The following RALYL variants were observed in gnomAD, a reference collection of about 807,000 sequenced individuals.
The protein encoded by RALYL is RNA-binding Raly-like protein.
RALYL carries 29 observed loss-of-function variants against 35.1 expected under a neutral mutation model. That is an observed-to-expected ratio of 0.83 (90% CI 0.61 to 1.13). The LOEUF (loss-of-function observed/expected upper bound fraction) is 1.13, where lower values mean the gene tolerates loss of function less well. Among genes scored for constraint, RALYL ranks in the 50% most tolerant of loss-of-function variants. RALYL has a pLI of 0.00. For synonymous variants in RALYL, 120 were observed against 127.6 expected (o/e 0.94, Z 0.40); for missense variants, 359 against 360.4 (o/e 1.00, Z 0.03).
At chr8:84,500,085 C>T (rs2056498923) in intron 1 of RALYL, among the ~76,000 whole-genome samples, 1 of 152,110 alleles carries the variant, frequency 6.6e-6, no homozygotes. Context: ...TTTTCTACCA[C>T]ATTTAGGCCT....
chr8:84,856,441 C>CA (rs1480027001), intron 5 of RALYL, among the ~76,000 whole-genome samples: 2 of 151,938 alleles, frequency 1.3e-5, no homozygotes, highest in Admixed American at 6.6e-5. Context: ...CAAAATATTG[C>CA]AAAAAAGATC....
chr8:84,519,021 T>G (rs2058266809), intron 1 of RALYL, among the ~76,000 whole-genome samples: 1 of 152,200 alleles, frequency 6.6e-6, no homozygotes, highest in Non-Finnish European at 1.5e-5. Flanking sequence ...CAGAGTTTGA[T>G]TCCAGTGAAT....
intron 6 of RALYL, chr8:84,864,794 C>T (rs928245764): frequency 1.8e-5 from 11 of 618,428 alleles, no homozygotes; most frequent in Admixed American, 7.6e-5. Flanking sequence ...CAAGCCAGCC[C>T]TGCAGCAGAG....
intron 1 of RALYL, among the ~76,000 whole-genome samples, chr8:84,523,261 A>G (rs1168963802): frequency 6.6e-6 from 1 of 151,320 alleles, no homozygotes; most frequent in Non-Finnish European, 1.5e-5. Context: ...GCAAGAGGGC[A>G]TGTGCAGCGA....
intron 1 of RALYL, among the ~76,000 whole-genome samples, chr8:84,430,725 A>G (rs2047055887): frequency 6.6e-6 from 1 of 152,166 alleles, no homozygotes; most frequent in South Asian, 2.1e-4. Context: ...TTTTTAAAAC[A>G]TGCCTTACTA....
chr8:84,247,227 T>G (rs1829281543), intron 1 of RALYL, among the ~76,000 whole-genome samples: 1 of 152,172 alleles, frequency 6.6e-6, no homozygotes, highest in Non-Finnish European at 1.5e-5. Context: ...TTATTCCTAT[T>G]AGAGGAGCAA....
At chr8:84,656,723 A>C (rs1830024237) in intron 2 of RALYL, among the ~76,000 whole-genome samples, 1 of 152,142 alleles carries the variant, frequency 6.6e-6, no homozygotes, top group African/African-American at 2.4e-5. Context: ...GTAATTGTTA[A>C]AGTTAAAGCA....
chr8:84,497,858 T>C (rs2056232006), intron 1 of RALYL, among the ~76,000 whole-genome samples: 1 of 151,678 alleles, frequency 6.6e-6, no homozygotes, highest in African/African-American at 2.4e-5. Flanking sequence ...AGACAGGATG[T>C]TCTCGATCTC....
At chr8:84,750,871 TAA>T (rs1809818727) in intron 2 of RALYL, among the ~76,000 whole-genome samples, 2 of 152,048 alleles carry the variant, frequency 1.3e-5, no homozygotes, top group African/African-American at 4.8e-5. Flanking sequence ...CTGTAAGAAA[TAA>T]ATTATTTTTC....
chr8:84,492,524 A>C (rs995318938), intron 1 of RALYL, among the ~76,000 whole-genome samples: 4 of 151,982 alleles, frequency 2.6e-5, no homozygotes, highest in African/African-American at 9.7e-5. Flanking sequence ...TTTTTAGTGG[A>C]TCTCCTGCTG....
chr8:84,860,515 T>A (rs1478877656), intron 5 of RALYL, among the ~76,000 whole-genome samples: 1 of 152,206 alleles, frequency 6.6e-6, no homozygotes. Context: ...CTAATGTAGA[T>A]CTTGTTTTGT....
chr8:84,425,890 G>A (rs940923689), intron 1 of RALYL, among the ~76,000 whole-genome samples: 4 of 150,626 alleles, frequency 2.7e-5, no homozygotes, highest in African/African-American at 9.8e-5. Flanking sequence ...GGGTTTGGTT[G>A]CTACCAGTAC....
intron 1 of RALYL, among the ~76,000 whole-genome samples, chr8:84,450,633 C>CT (rs964220760): frequency 1.3e-5 from 2 of 151,752 alleles, no homozygotes; most frequent in Non-Finnish European, 2.9e-5. Context: ...TGTTAAATTG[C>CT]TTTTTTGAAG....
chr8:84,376,670 G>A (rs1371483443), intron 1 of RALYL, among the ~76,000 whole-genome samples: 1 of 151,794 alleles, frequency 6.6e-6, no homozygotes, highest in Non-Finnish European at 1.5e-5. Flanking sequence ...TCAAATCAGA[G>A]GAGAAATAGG....
At chr8:84,891,288 A>C (rs1843799594) in intron 8 of RALYL, among the ~76,000 whole-genome samples, 1 of 152,232 alleles carries the variant, frequency 6.6e-6, no homozygotes, top group Non-Finnish European at 1.5e-5. Context: ...TTTCAGTCCC[A>C]GATCTGTCAT....
chr8:84,439,339 T>C (rs2048083388), intron 1 of RALYL, among the ~76,000 whole-genome samples: 1 of 152,164 alleles, frequency 6.6e-6, no homozygotes, highest in Non-Finnish European at 1.5e-5. Context: ...GCTCCCTTTT[T>C]TTCTGATGTG....
chr8:84,223,209 C>T lies in RALYL; in HGVS notation c.-24+38785C>T, dbSNP rs867308973. 1.3e-3 allele frequency among the ~76,000 whole-genome samples: 114 copies of T among 87,854 alleles called. 4 individuals are homozygous for T. The highest frequency in any genetic ancestry group is 3.4e-3 in the African/African-American group (59 of 17,584). The allele number at this position is 87,854 out of a possible 152,430, so 57.6% of individuals were successfully genotyped here. A position where few individuals can be genotyped will look rare whatever the true frequency, so the allele number is the denominator to read the frequency against. Reference sequence around the variant, plus strand: ...CCTTCCCTTCCCTTCCCTTCCATTCCTCCCTTCCCTTCCCTTCCCTTCCCT... The same window carrying T: ...CCTTCCCTTCCCTTCCCTTCCATTCTTCCCTTCCCTTCCCTTCCCTTCCCT... On this transcript the variant is annotated intron_variant, in intron 1 of 8. Coordinates refer to ENST00000521268, the MANE Select transcript of RALYL (RefSeq NM_173848.7).
chr8:84,356,116 A>C (rs1851786811), intron 1 of RALYL, among the ~76,000 whole-genome samples: 1 of 149,974 alleles, frequency 6.7e-6, no homozygotes, highest in Non-Finnish European at 1.5e-5. Flanking sequence ...CCATAACTGT[A>C]AGTTTCCTGA....
At chr8:84,187,972 T>C (rs1013407313) in intron 1 of RALYL, among the ~76,000 whole-genome samples, 3 of 152,086 alleles carry the variant, frequency 2.0e-5, no homozygotes, top group Admixed American at 1.3e-4. Flanking sequence ...ATTATGGAAG[T>C]AGAAGAGAAG....
Sources: gnomAD v4.1 joint callset for allele counts (sites outside exome capture counted in the v4.1 genomes callset) on GRCh38, gnomAD v4.1.1 for gene constraint, MANE v1.5 for transcripts, NCBI Gene and HGNC (gene_info 2026-07-23, HGNC 2026-07-21) for gene names.